DOCK1: variants seen among roughly 807,000 people sequenced by gnomAD.
The protein encoded by DOCK1 is dedicator of cytokinesis protein 1.
Under a neutral mutation model 262.7 loss-of-function variants are expected in DOCK1, and 138 were observed. That is an observed-to-expected ratio of 0.53 (90% CI 0.46 to 0.61). The LOEUF (loss-of-function observed/expected upper bound fraction) is 0.61. Ranked by LOEUF, DOCK1 falls within the 20% of genes least tolerant of loss-of-function variation. The probability of loss-of-function intolerance (pLI) is 0.00; values close to 1 mark genes in which losing one functional copy is unlikely to be tolerated. For missense variants in DOCK1, 1,908 were observed against 2,370.7 expected (o/e 0.80, Z 4.05); for synonymous variants, 866 against 867.4 (o/e 1.00, Z 0.03).
chr10:127,268,028 C>T (rs939376192), intron 29 of DOCK1, among the ~76,000 whole-genome samples: 1 of 152,108 alleles, frequency 6.6e-6, no homozygotes, highest in African/African-American at 2.4e-5. Flanking sequence ...TGTCCAGACA[C>T]GTTGTTGTCA....
Position 127,160,310 on chromosome 10 carries a change from C to T in DOCK1, c.2847+32546C>T, listed in dbSNP as rs552920892. ...TGATGTAAATGTGCTGTTTTTACTG[C>T]CATAGTCTCACAACACTGTTTCCTT... On this transcript the variant is annotated intron_variant, in intron 27 of 51. Coordinates refer to ENST00000623213, the MANE Select transcript of DOCK1 (RefSeq NM_001290223.2). Among the ~76,000 whole-genome samples, 2 of 152,270 alleles carry T rather than the reference C, an allele frequency of 1.3e-5. 1 individual carries two copies. The highest frequency in any genetic ancestry group is 4.8e-5 in the African/African-American group (2 of 41,554).
intron 27 of DOCK1, among the ~76,000 whole-genome samples, chr10:127,159,421 T>C (rs1005334382): frequency 6.6e-6 from 1 of 152,208 alleles, no homozygotes; most frequent in African/African-American, 2.4e-5. Flanking sequence ...CTTCAGTTGT[T>C]ACTATCAGCA....
chr10:127,354,843 GGACA>G (rs1413949298), intron 32 of DOCK1, 116 bp downstream of exon 32: 1 of 1,222,248 alleles, frequency 8.2e-7, no homozygotes, highest in Non-Finnish European at 1.2e-6. Flanking sequence ...TCTGTTCCTT[GGACA>G]GCAGTTGCTA....
intron 33 of DOCK1, among the ~76,000 whole-genome samples, chr10:127,370,601 A>G (rs2065156143): frequency 6.6e-6 from 1 of 152,244 alleles, no homozygotes; most frequent in South Asian, 2.1e-4. Flanking sequence ...ATTAGCTACT[A>G]CTGGGATCCT....
intron 35 of DOCK1, among the ~76,000 whole-genome samples, 158 bp from the exon 36 acceptor site, chr10:127,379,924 T>C (rs1056848469): frequency 6.6e-6 from 1 of 152,186 alleles, no homozygotes; most frequent in African/African-American, 2.4e-5. Context: ...CTGTGTAAGA[T>C]GGTTTTGCAA....
chr10:127,227,721 C>T lies in DOCK1; in HGVS notation c.2848-20287C>T, dbSNP rs541614558. On this transcript the variant is annotated intron_variant, in intron 27 of 51. Coordinates refer to ENST00000623213, the MANE Select transcript of DOCK1 (RefSeq NM_001290223.2). Reference sequence around the variant, plus strand: ...CACAGGGATGTGCAACTTTTCCCTACAGCCCTGAGGTTCCAGGCACTAAGA... The same window carrying T: ...CACAGGGATGTGCAACTTTTCCCTATAGCCCTGAGGTTCCAGGCACTAAGA... Among the ~76,000 whole-genome samples the T allele has an allele frequency of 3.9e-5, 6 of 152,390 alleles. 1 individual carries two copies. Among genetic ancestry groups the T allele is most frequent in the Admixed American group, 1.3e-4 (2 of 15,314 alleles).
intron 31 of DOCK1, among the ~76,000 whole-genome samples, chr10:127,353,718 G>A (rs1431378803): frequency 6.6e-6 from 1 of 152,224 alleles, no homozygotes; most frequent in Non-Finnish European, 1.5e-5. Context: ...AGGTGAGATT[G>A]ATCTTCTGTG....
intron 18 of DOCK1, among the ~76,000 whole-genome samples, chr10:127,032,675 TC>T (rs1328897734): frequency 6.6e-6 from 1 of 152,138 alleles, no homozygotes; most frequent in East Asian, 1.9e-4. Flanking sequence ...CACCTCAGCT[TC>T]CCATGTAGCT....
chr10:127,042,744 G>A (rs1361693532), intron 20 of DOCK1, 30 bp downstream of exon 20: 1 of 1,607,970 alleles, frequency 6.2e-7, no homozygotes, highest in Non-Finnish European at 8.5e-7. Flanking sequence ...CATATGCTTG[G>A]ATAACACAGC....
intron 27 of DOCK1, among the ~76,000 whole-genome samples, chr10:127,158,322 G>A (rs893548320): frequency 4.6e-5 from 7 of 152,224 alleles, no homozygotes; most frequent in African/African-American, 1.2e-4. Flanking sequence ...CTTCTCCAGT[G>A]ACAGTAGGGC....
At chr10:127,250,510 G>T (rs2059588096) in intron 28 of DOCK1, among the ~76,000 whole-genome samples, 1 of 152,130 alleles carries the variant, frequency 6.6e-6, no homozygotes, top group Admixed American at 6.5e-5. Flanking sequence ...AATGATGTTG[G>T]CCGGGCGTGG....
intron 27 of DOCK1, 106 bp from the exon 28 acceptor site, chr10:127,247,902 G>A (rs1263493098): frequency 1.6e-5 from 17 of 1,086,758 alleles, no homozygotes; most frequent in East Asian, 1.3e-4. Context: ...CCCATGCCCC[G>A]TTGCTTCTCC....
chr10:126,905,521 A>G lies in DOCK1; in HGVS notation c.4A>G (p.Thr2Ala). The G allele has an allele frequency of 5.8e-6, 3 of 519,180 alleles. No homozygotes were observed. Among genetic ancestry groups the G allele is most frequent in the South Asian group, 4.7e-5 (2 of 42,798 alleles). The allele number at this position is 519,180 out of a possible 1,614,324, so 32.2% of individuals were successfully genotyped here. The change falls in exon 1 of 52, where the codon ACG becomes GCG. Residue 2 changes from threonine (T) to alanine (A), a missense_variant. By Grantham distance (58) the Thr-to-Ala change is moderately conservative. Transcript: ENST00000623213. ...CCGCGGCGGCTCCGGCGGCGCCATG[A>G]CGCGCTGGGTGCCCACCAAGCGCGA... M[T>A]RWVPTKREEK...
chr10:127,116,038 C>G lies in DOCK1; in HGVS notation c.2623+5684C>G, dbSNP rs569754208. Among the ~76,000 whole-genome samples, 5 of 152,228 alleles carry G rather than the reference C, an allele frequency of 3.3e-5. No individual in the cohort carries two copies. In the South Asian group the frequency reaches 1.0e-3, roughly 32 times the overall value. Reference sequence around the variant, plus strand: ...GTAAATTTTAGTGGTAAGGCTACCCCTTTTTGGTCTTGCAAATAGTTGGAT... The same window carrying G: ...GTAAATTTTAGTGGTAAGGCTACCCGTTTTTGGTCTTGCAAATAGTTGGAT... On this transcript the variant is annotated intron_variant, in intron 25 of 51. Transcript: ENST00000623213.
intron 29 of DOCK1, among the ~76,000 whole-genome samples, chr10:127,269,969 C>T (rs909466710): frequency 3.3e-5 from 5 of 152,216 alleles, no homozygotes; most frequent in African/African-American, 1.2e-4. Context: ...CAGTAAGTGG[C>T]ACTGTCTACA....
intron 2 of DOCK1, among the ~76,000 whole-genome samples, chr10:126,976,859 G>A (rs951609733): frequency 4.6e-5 from 7 of 152,148 alleles, no homozygotes; most frequent in Non-Finnish European, 7.4e-5. Context: ...TCAGCCTCCT[G>A]AGTAGCTGTG....
chr10:127,433,469 G>A (rs1348669380), intron 48 of DOCK1, 41 bp downstream of exon 48: 1 of 1,596,316 alleles, frequency 6.3e-7, no homozygotes, highest in East Asian at 2.2e-5. Context: ...AGCAGTGAGG[G>A]CTTGGGGGAT....
Position 127,100,900 on chromosome 10 carries a change from G to A in DOCK1, c.2446-5331G>A, listed in dbSNP as rs1477175141. ...ACGCAGGCCTTGCCCACACTGTGGG[G>A]TATTGTCCGATGGAGCAGAGGCTCG... On this transcript the variant is annotated intron_variant, in intron 23 of 51. Coordinates refer to ENST00000623213, the MANE Select transcript of DOCK1 (RefSeq NM_001290223.2). This position sits in a 1 kb window ranked among gnomAD's most constrained non-coding sequence, Gnocchi z 5.5. Among the ~76,000 whole-genome samples the A allele has an allele frequency of 1.3e-5, 2 of 152,138 alleles. No individual in the cohort carries two copies. Among genetic ancestry groups the A allele is most frequent in the African/African-American group, 4.8e-5 (2 of 41,422 alleles).
In DOCK1 at chr10:127,308,898, C is replaced by T. The variant is rs181092374; in HGVS notation, c.3045-30108C>T. On this transcript the variant is annotated intron_variant, in intron 29 of 51. Coordinates refer to ENST00000623213, the MANE Select transcript of DOCK1 (RefSeq NM_001290223.2). ...TGTAAATAGTGTCGCAATAAACATA[C>T]GTGTGCATGTGTCTTTGCAGTAGAA... 1.1e-4 allele frequency among the ~76,000 whole-genome samples: 17 copies of T among 152,202 alleles called. No individual in the cohort carries two copies. In the South Asian group the frequency reaches 1.7e-3, roughly 15 times the overall value.
Sources: gnomAD v4.1 joint callset for allele counts (sites outside exome capture counted in the v4.1 genomes callset) on GRCh38, gnomAD v4.1.1 for gene constraint, Gnocchi (gnomAD v3.1) non-coding constraint, MANE v1.5 for transcripts, NCBI Gene and HGNC (gene_info 2026-07-23, HGNC 2026-07-21) for gene names.